ZNF148: variants seen among roughly 807,000 people sequenced by gnomAD.
The protein encoded by ZNF148 is Beta-Enolase Repressor Factor-1.
Under a neutral mutation model 67.7 loss-of-function variants are expected in ZNF148, and 7 were observed. The ratio of observed to expected loss-of-function variants is 0.10; its 90% CI spans 0.06 to 0.19. The LOEUF is 0.19. ZNF148 is among the 10% of genes least tolerant of loss of function. The pLI is 1.00. For missense variants in ZNF148, 583 were observed against 947.1 expected, an observed-to-expected ratio of 0.62 and a Z score of 5.05; for synonymous variants, 333 against 330.7, an observed-to-expected ratio of 1.01 and a Z score of -0.08.
chr3:125,330,077 T>C (rs573139743), intron 2 of ZNF148, among the ~76,000 whole-genome samples: 1 of 152,290 alleles, frequency 6.6e-6, no homozygotes, highest in South Asian at 2.1e-4. Flanking sequence ...GTGAAAAATG[T>C]TGAACATGAC....
At chr3:125,307,993 C>T (rs1295599542) in intron 4 of ZNF148, among the ~76,000 whole-genome samples, 1 of 152,004 alleles carries the variant, frequency 6.6e-6, no homozygotes, top group Admixed American at 6.6e-5. Flanking sequence ...TAAATGCAGT[C>T]CCCTTAAGAT....
chr3:125,276,428 ATTTAT>A (rs1938072832), intron 7 of ZNF148, among the ~76,000 whole-genome samples: 1 of 151,752 alleles, frequency 6.6e-6, no homozygotes, highest in South Asian at 2.1e-4. Context: ...TTATTTATTT[ATTTAT>A]TTTATTTATT....
chr3:125,245,912 G>T (rs561750005), intron 7 of ZNF148, among the ~76,000 whole-genome samples: 1 of 152,302 alleles, frequency 6.6e-6, no homozygotes, highest in African/African-American at 2.4e-5. Context: ...AATTAAAACA[G>T]GGTCCTCTAT....
At chr3:125,345,581 T>TAACAAC (rs145079901) in intron 1 of ZNF148, among the ~76,000 whole-genome samples, 72 of 150,696 alleles carry the variant, frequency 4.8e-4, no homozygotes, top group Middle Eastern at 6.9e-3. Context: ...CTATCAAAAC[T>TAACAAC]AACAACAACA....
chr3:125,323,583 T>C (rs1381436934), intron 2 of ZNF148, 139 bp from the exon 3 acceptor site: 4 of 477,372 alleles, frequency 8.4e-6, no homozygotes, highest in African/African-American at 8.0e-5. Flanking sequence ...ATGACCAATG[T>C]ACTGACTTGT....
intron 4 of ZNF148, among the ~76,000 whole-genome samples, chr3:125,298,906 C>T (rs567655654): frequency 6.6e-6 from 1 of 151,968 alleles, no homozygotes; most frequent in Admixed American, 6.6e-5. Flanking sequence ...GGATTACAGG[C>T]GTGAGCCACT....
chr3:125,226,489 A>T lies in ZNF148; in HGVS notation c.*5852T>A, dbSNP rs191796908. Reference sequence around the variant, plus strand: ...GCAAAACAACTTCCTTTAGTATCACAATACATAAAATGGTTTTATAAACTC... The same window carrying T: ...GCAAAACAACTTCCTTTAGTATCACTATACATAAAATGGTTTTATAAACTC... On this transcript the variant is annotated 3_prime_UTR_variant, in exon 9 of 9. Transcript: ENST00000360647. The T allele has an allele frequency of 6.5e-6, 1 of 152,772 alleles. No homozygotes were observed. Among genetic ancestry groups the T allele is most frequent in the African/African-American group, 2.4e-5 (1 of 41,586 alleles). The allele number at this position is 152,772 out of a possible 1,614,324, so 9.5% of individuals were successfully genotyped here.
intron 3 of ZNF148, among the ~76,000 whole-genome samples, chr3:125,322,880 T>A (rs997787052): frequency 4.6e-5 from 7 of 152,250 alleles, no homozygotes; most frequent in African/African-American, 1.7e-4. Context: ...AAAACTGATA[T>A]GTTTTCTCAC....
intron 1 of ZNF148, among the ~76,000 whole-genome samples, chr3:125,364,005 A>G (rs569376814): frequency 9.9e-5 from 15 of 152,174 alleles, no homozygotes; most frequent in Non-Finnish European, 1.8e-4. Context: ...TTCATTACAA[A>G]AAGAGAAAGG....
chr3:125,321,253 G>T (rs927000520), intron 3 of ZNF148, among the ~76,000 whole-genome samples: 13 of 151,908 alleles, frequency 8.6e-5, no homozygotes, highest in Non-Finnish European at 1.6e-4. Context: ...TTATAATAAT[G>T]GTAACTGGAC....
chr3:125,330,239 T>C (rs1027933588), intron 2 of ZNF148, among the ~76,000 whole-genome samples: 4 of 151,548 alleles, frequency 2.6e-5, no homozygotes, highest in African/African-American at 7.3e-5. Context: ...CCAAGGCGGA[T>C]GGATTGCTTG....
intron 7 of ZNF148, among the ~76,000 whole-genome samples, chr3:125,254,592 T>C (rs751025876): frequency 9.2e-5 from 14 of 152,258 alleles, no homozygotes; most frequent in Non-Finnish European, 2.9e-5. Flanking sequence ...CCCTTTATCA[T>C]TATTAAATGT....
intron 1 of ZNF148, among the ~76,000 whole-genome samples, chr3:125,339,531 T>C (rs1299038343): frequency 2.6e-5 from 4 of 152,248 alleles, no homozygotes; most frequent in Non-Finnish European, 5.9e-5. Flanking sequence ...ATCTATTCCC[T>C]AGCAACCTCT....
intron 1 of ZNF148, among the ~76,000 whole-genome samples, chr3:125,355,062 A>C (rs1227205252): frequency 2.0e-5 from 3 of 152,168 alleles, no homozygotes. Flanking sequence ...CCATCTCTCC[A>C]TAACTCAATG....
chr3:125,332,500 T>C (rs932929952), intron 1 of ZNF148, among the ~76,000 whole-genome samples: 2 of 152,194 alleles, frequency 1.3e-5, no homozygotes, highest in Admixed American at 6.5e-5. Context: ...CTTCTCTAGG[T>C]AGCCAATTAA....
intron 1 of ZNF148, chr3:125,344,753 T>C (rs1457314055): frequency 1.1e-5 from 6 of 525,874 alleles, no homozygotes; most frequent in Non-Finnish European, 1.8e-5. Context: ...TATCCTTGGG[T>C]GAGGTATGTC....
chr3:125,320,261 A>G (rs1257669878), intron 3 of ZNF148, among the ~76,000 whole-genome samples: 1 of 152,184 alleles, frequency 6.6e-6, no homozygotes, highest in Non-Finnish European at 1.5e-5. Flanking sequence ...AATATGGCTA[A>G]TAAATGTAAA....
At position 125,375,086 on chromosome 3, in the gene ZNF148, A is replaced by C. The variant is rs1943024627; in HGVS notation, c.-234+16T>G. 7.7e-6 allele frequency: 1 copy of C among 130,188 alleles called. No individual in the cohort carries two copies. The allele number at this position is 130,188 out of a possible 1,614,324, so 8.1% of individuals were successfully genotyped here. A position where few individuals can be genotyped will look rare whatever the true frequency, so the allele number is the denominator to read the frequency against. Reference sequence around the variant, plus strand: ...GCCCTCCCCCGGGCCCGGGCCTGCCAGGCCGAGCGCTTTACCGCGGGCGGG... The same window carrying C: ...GCCCTCCCCCGGGCCCGGGCCTGCCCGGCCGAGCGCTTTACCGCGGGCGGG... On this transcript the variant is annotated intron_variant, in intron 1 of 8. Coordinates refer to ENST00000360647, the MANE Select transcript of ZNF148 (RefSeq NM_021964.3).
chr3:125,288,109 G>A lies in ZNF148; in HGVS notation c.453C>T (p.Pro151=), dbSNP rs143599948. Residue 151 remains proline, a synonymous_variant, in exon 5 of 9, where the codon CCC becomes CCT. Coordinates refer to ENST00000360647, the MANE Select transcript of ZNF148 (RefSeq NM_021964.3). The part of the protein sequence containing the change: ...QKKKKRKQRS[P]AKILTINEDG... The stretch of plus-strand genomic sequence containing the variant: ...CCTTAATACATTGTCTTACTTTTGC[G>A]GGAGAACGTTGTTTCCGCTTCTTCT... 242 of 1,613,678 alleles carry A rather than the reference G, an allele frequency of 1.5e-4. No individual in the cohort carries two copies. Among genetic ancestry groups the A allele is most frequent in the Admixed American group, 3.5e-4 (21 of 59,948 alleles).
Sources: allele counts gnomAD v4.1 joint callset (sites outside exome capture counted in the v4.1 genomes callset), GRCh38; gene constraint gnomAD v4.1.1; transcripts MANE v1.5; gene names NCBI Gene and HGNC (gene_info 2026-07-23, HGNC 2026-07-21).